Variants in RXFP2 observed in about 807,000 individuals in gnomAD.
The protein encoded by RXFP2 is relaxin receptor 2.
In RXFP2, 68 loss-of-function variants were observed where a neutral mutation model predicts 88.6. The ratio of observed to expected loss-of-function variants is 0.77; its 90% CI spans 0.63 to 0.94. The LOEUF (loss-of-function observed/expected upper bound fraction) is 0.94, where lower values mean the gene tolerates loss of function less well. Among genes scored for constraint, RXFP2 ranks in the 40% least tolerant of loss-of-function variants. RXFP2 has a pLI of 0.00. For synonymous variants in RXFP2, 329 were observed against 306.8 expected, an observed-to-expected ratio of 1.07 and a Z score of -0.76; for missense variants, 791 against 893.9, an observed-to-expected ratio of 0.88 and a Z score of 1.47.
At chr13:31,746,212 C>T (rs1370903551) in intron 1 of RXFP2, among the ~76,000 whole-genome samples, 1 of 152,148 alleles carries the variant, frequency 6.6e-6, no homozygotes, top group Non-Finnish European at 1.5e-5. Context: ...TTCTGATAAA[C>T]CTGTTCAATG....
Position 31,777,376 on chromosome 13 carries a change from A to G in RXFP2, c.642A>G (p.Leu214=), listed in dbSNP as rs1345101584. The G allele has an allele frequency of 6.2e-7, 1 of 1,607,106 alleles. No individual in the cohort carries two copies. Among genetic ancestry groups the G allele is most frequent in the Non-Finnish European group, 8.5e-7 (1 of 1,174,286 alleles). The change falls in exon 8 of 18, where the codon CTA becomes CTG. Residue 214 remains leucine, a splice_region_variant and synonymous_variant. Transcript: ENST00000298386. ...IFKDLHQLTW[L]ILDDNPITRI... ...AATGTTTCTTGATACATTTTGTCAGAATTCTAGATGACAATCCAATAACCA... is the reference window on the plus strand; with the variant it reads ...AATGTTTCTTGATACATTTTGTCAGGATTCTAGATGACAATCCAATAACCA...
chr13:31,782,965 C>T (rs1444179846), intron 11 of RXFP2, among the ~76,000 whole-genome samples: 1 of 152,158 alleles, frequency 6.6e-6, no homozygotes, highest in Non-Finnish European at 1.5e-5. Context: ...AGTTTCTCTA[C>T]TTGTTTTCTT....
At chr13:31,785,664 C>T (rs1873502026) in intron 11 of RXFP2, among the ~76,000 whole-genome samples, 1 of 151,908 alleles carries the variant, frequency 6.6e-6, no homozygotes, top group South Asian at 2.1e-4. Context: ...CAAAAGAGAT[C>T]ATTTTTGTTT....
intron 17 of RXFP2, among the ~76,000 whole-genome samples, chr13:31,800,559 G>A (rs1033926231): frequency 5.9e-5 from 9 of 152,156 alleles, no homozygotes; most frequent in South Asian, 2.1e-4. Context: ...GCGACAGAGT[G>A]AGACTCCATT....
At chr13:31,772,077 T>C (rs1206982797) in intron 5 of RXFP2, among the ~76,000 whole-genome samples, 3 of 152,216 alleles carry the variant, frequency 2.0e-5, no homozygotes, top group Non-Finnish European at 4.4e-5. Flanking sequence ...TTTTAAAATG[T>C]CAGGCCTTTC....
chr13:31,802,165 A>G lies in RXFP2; in HGVS notation c.2025A>G (p.Ile675Met). ...VEIPDTMTSW[I>M]VIFFLPVNSA... ...TTCCAGACACAATGACTTCCTGGAT[A>G]GTGATTTTTTTCCTTCCAGTTAACA... Residue 675 changes from isoleucine (I) to methionine (M), a missense_variant, in exon 18 of 18, where the codon ATA (isoleucine) becomes ATG (methionine). Physicochemically the swap from Ile to Met is conservative, Grantham distance 10 (BLOSUM62 1). Transcript: ENST00000298386. 6.2e-7 allele frequency: 1 copy of G among 1,614,070 alleles called. No homozygotes were observed. Among genetic ancestry groups the G allele is most frequent in the Non-Finnish European group, 8.5e-7 (1 of 1,179,992 alleles).
At chr13:31,798,487 C>T (rs1874164089) in intron 17 of RXFP2, among the ~76,000 whole-genome samples, 1 of 152,084 alleles carries the variant, frequency 6.6e-6, no homozygotes, top group Admixed American at 6.5e-5. Context: ...GTGGGGAGAC[C>T]CAGTTGCACG....
chr13:31,786,315 T>C, intron 11 of RXFP2, 68 bp from the exon 12 acceptor site: 1 of 1,049,158 alleles, frequency 9.5e-7, no homozygotes, highest in South Asian at 1.3e-5. Flanking sequence ...TGATGATAAT[T>C]GTGAGGAGTA....
chr13:31,797,126 T>C, intron 16 of RXFP2, 75 bp from the exon 17 acceptor site: 3 of 1,035,320 alleles, frequency 2.9e-6, no homozygotes, highest in Non-Finnish European at 4.6e-6. Context: ...GGGTAAGGGA[T>C]ACTCAACCTG....
chr13:31,746,871 A>G (rs1871444414), intron 1 of RXFP2, among the ~76,000 whole-genome samples: 1 of 152,212 alleles, frequency 6.6e-6, no homozygotes, highest in Non-Finnish European at 1.5e-5. Context: ...ATTCTGCCTT[A>G]AGAGCCACTG....
chr13:31,758,507 G>A, intron 2 of RXFP2, 103 bp downstream of exon 2: 1 of 1,391,426 alleles, frequency 7.2e-7, no homozygotes, highest in South Asian at 1.2e-5. Flanking sequence ...AAGCTGATTT[G>A]GTGTTCTGTA....
intron 1 of RXFP2, among the ~76,000 whole-genome samples, chr13:31,755,245 T>G (rs922951691): frequency 4.6e-5 from 7 of 152,332 alleles, no homozygotes; most frequent in Middle Eastern, 3.4e-3. Flanking sequence ...CACATCCCAT[T>G]AGGGGATCAT....
At chr13:31,766,531 G>C (rs993070876) in intron 5 of RXFP2, among the ~76,000 whole-genome samples, 3 of 152,098 alleles carry the variant, frequency 2.0e-5, no homozygotes, top group Non-Finnish European at 4.4e-5. Flanking sequence ...CAGCAGAGAA[G>C]GTATTCTGTG....
intron 1 of RXFP2, among the ~76,000 whole-genome samples, chr13:31,756,334 C>T (rs1427096824): frequency 2.6e-5 from 4 of 152,172 alleles, no homozygotes; most frequent in African/African-American, 9.7e-5. Flanking sequence ...GGGATATTAA[C>T]GCCAAACATA....
Position 31,802,536 on chromosome 13 carries a change from G to A in RXFP2, c.*131G>A. Reference sequence around the variant, plus strand: ...TCTGCACAGAGAGCACAGCAGAATGGCTCCTGTCACTGCATTCCAATGGCA... The same window carrying A: ...TCTGCACAGAGAGCACAGCAGAATGACTCCTGTCACTGCATTCCAATGGCA... On this transcript the variant is annotated 3_prime_UTR_variant, in exon 18 of 18. Transcript: ENST00000298386. The A allele has an allele frequency of 1.0e-6, 1 of 998,214 alleles. No homozygotes were observed. The highest frequency in any genetic ancestry group is 1.6e-6 in the Non-Finnish European group (1 of 638,026). The allele number at this position is 998,214 out of a possible 1,614,324, so 61.8% of individuals were successfully genotyped here.
intron 7 of RXFP2, among the ~76,000 whole-genome samples, chr13:31,776,895 A>T (rs1338128878): frequency 1.3e-5 from 2 of 152,218 alleles, no homozygotes; most frequent in Non-Finnish European, 2.9e-5. Flanking sequence ...GCTCCTTATG[A>T]ATAGCGTGAC....
intron 16 of RXFP2, among the ~76,000 whole-genome samples, chr13:31,793,807 A>G (rs1385207112): frequency 6.6e-6 from 1 of 152,064 alleles, no homozygotes; most frequent in African/African-American, 2.4e-5. Flanking sequence ...TTCCCATCCA[A>G]GGAGCCAACA....
At chr13:31,741,524 G>A (rs1871223827) in intron 1 of RXFP2, among the ~76,000 whole-genome samples, 1 of 152,038 alleles carries the variant, frequency 6.6e-6, no homozygotes, top group African/African-American at 2.4e-5. Context: ...CTCATTTAGA[G>A]TTGCCTAAGA....
At chr13:31,801,528 G>A (rs377414944) in intron 17 of RXFP2, among the ~76,000 whole-genome samples, 10 of 152,084 alleles carry the variant, frequency 6.6e-5, no homozygotes, top group African/African-American at 2.2e-4. Flanking sequence ...CTCTCAGGAA[G>A]GACACTATCA....
Sources: allele counts gnomAD v4.1 joint callset (sites outside exome capture counted in the v4.1 genomes callset), GRCh38; gene constraint gnomAD v4.1.1; transcripts MANE v1.5; gene names NCBI Gene and HGNC (gene_info 2026-07-23, HGNC 2026-07-21).